TIMP2: variants seen among roughly 807,000 people sequenced by gnomAD.
The protein encoded by TIMP2 is metalloproteinase inhibitor 2.
A neutral mutation model predicts 24.3 loss-of-function variants in TIMP2; 5 were observed. The ratio of observed to expected loss-of-function variants is 0.21; its 90% CI spans 0.11 to 0.43. TIMP2 has a LOEUF of 0.43. Among genes scored for constraint, TIMP2 ranks in the 20% least tolerant of loss-of-function variants. The pLI, the probability that TIMP2 is intolerant of heterozygous loss-of-function variation, is 1.00. For missense variants in TIMP2, 221 were observed against 297.5 expected (o/e 0.74, Z 1.89); for synonymous variants, 130 against 123.2 (o/e 1.06, Z -0.37).
chr17:78,891,887 G>A lies in TIMP2; in HGVS notation c.131-17968C>T. ...ATTCATCCGACCCGTGGCTTTTGTA[G>A]TCTGTGGTTTCTCTGGACTCGCTGC... On this transcript the variant is annotated intron_variant, in intron 1 of 4. Transcript: ENST00000262768. This position sits in a 1 kb window ranked among gnomAD's most constrained non-coding sequence, Gnocchi z 4.5. The A allele has an allele frequency of 6.4e-7, 1 of 1,550,650 alleles. No homozygotes were observed. The highest frequency in any genetic ancestry group is 8.7e-7 in the Non-Finnish European group (1 of 1,147,010).
intron 4 of TIMP2, 132 bp downstream of exon 4, chr17:78,857,390 C>A: frequency 7.8e-7 from 1 of 1,281,716 alleles, no homozygotes; most frequent in Admixed American, 2.1e-5. Flanking sequence ...ATGACTCTAC[C>A]TTCCCAGAGC....
intron 3 of TIMP2, among the ~76,000 whole-genome samples, chr17:78,868,057 G>A (rs1294881393): frequency 7.2e-5 from 11 of 152,140 alleles, no homozygotes; most frequent in Admixed American, 6.5e-5. Flanking sequence ...TCTCTAACAC[G>A]GGGCTGGGCA....
intron 3 of TIMP2, among the ~76,000 whole-genome samples, chr17:78,863,618 G>C (rs1186880766): frequency 1.3e-5 from 2 of 152,156 alleles, no homozygotes; most frequent in Non-Finnish European, 2.9e-5. Flanking sequence ...CACAGGTCCA[G>C]GGAGCAATGC....
At chr17:78,893,009 G>A (rs753043045) in intron 1 of TIMP2, among the ~76,000 whole-genome samples, 26 of 152,176 alleles carry the variant, frequency 1.7e-4, no homozygotes, top group Non-Finnish European at 3.2e-4. Flanking sequence ...AGAATTGATC[G>A]TAAAGGAAAG....
chr17:78,905,228 A>G (rs116302068), intron 1 of TIMP2, among the ~76,000 whole-genome samples: 1,531 of 151,910 alleles, frequency 0.01, 20 homozygotes, highest in African/African-American at 0.035. Context: ...GGGCTCCAGG[A>G]CTTACCCCAG....
At chr17:78,879,959 G>A (rs971657874) in intron 1 of TIMP2, among the ~76,000 whole-genome samples, 65 of 152,096 alleles carry the variant, frequency 4.3e-4, no homozygotes, top group African/African-American at 1.5e-3. Context: ...CGCGGGAGAC[G>A]ATCCAAAGAG....
chr17:78,872,484 G>A (rs979156021), intron 2 of TIMP2, among the ~76,000 whole-genome samples: 6 of 152,108 alleles, frequency 3.9e-5, no homozygotes, highest in South Asian at 2.1e-4. Flanking sequence ...CAGGGAGGCT[G>A]TTTTTTTCCC....
At chr17:78,868,940 T>C (rs763236906) in intron 3 of TIMP2, among the ~76,000 whole-genome samples, 7 of 150,956 alleles carry the variant, frequency 4.6e-5, no homozygotes, top group Non-Finnish European at 1.0e-4. Flanking sequence ...ATGTAGAGGG[T>C]GGGGGCCAGG....
intron 1 of TIMP2, chr17:78,892,640 A>G (rs1389670445): frequency 1.1e-6 from 1 of 901,234 alleles, no homozygotes; most frequent in East Asian, 2.7e-5. Context: ...TGTCCTGTAC[A>G]CTTTTGACAA....
At chr17:78,883,190 C>T (rs180851077) in intron 1 of TIMP2, among the ~76,000 whole-genome samples, 5 of 152,346 alleles carry the variant, frequency 3.3e-5, no homozygotes, top group Admixed American at 2.0e-4. Context: ...CAGGAAAGAC[C>T]TCAGCAGAGG....
rs865931331 is a variant in TIMP2 at position 78,891,908 on chromosome 17, G to A, written c.131-17989C>T. 35 of 1,550,568 alleles carry A rather than the reference G, an allele frequency of 2.3e-5. No individual in the cohort carries two copies. The highest frequency in any genetic ancestry group is 1.7e-4 in the Middle Eastern group (1 of 5,992). On this transcript the variant is annotated intron_variant, in intron 1 of 4. Coordinates refer to ENST00000262768, the MANE Select transcript of TIMP2 (RefSeq NM_003255.5). The surrounding 1 kb of genome is among the most constrained non-coding windows in gnomAD (Gnocchi z 4.5). Reference sequence around the variant, plus strand: ...TGTAGTCTGTGGTTTCTCTGGACTCGCTGCTGTCTTCCGGGGCCTGGAGTG... The same window carrying A: ...TGTAGTCTGTGGTTTCTCTGGACTCACTGCTGTCTTCCGGGGCCTGGAGTG...
At chr17:78,892,278 A>G (rs145329239) in intron 1 of TIMP2, 20,127 of 1,550,744 alleles carry the variant, frequency 0.013, 166 homozygotes, top group Non-Finnish European at 0.015. Context: ...TTTTTCCTCC[A>G]AAGCAGGTCT....
rs955039934 is a variant in TIMP2, at chr17:78,925,032, C to T, written c.57G>A (p.Thr19=). The part of the protein sequence containing the change: ...RLALGLLLLA[T]LLRPADACSC... ...TGCAGGCGTCGGCCGGGCGAAGCAG[C>T]GTCGCCAGCAGCAGGAGGCCGAGCG... Residue 19 remains threonine, a synonymous_variant, in exon 1 of 5, where the codon ACG becomes ACA. Coordinates refer to ENST00000262768, the MANE Select transcript of TIMP2 (RefSeq NM_003255.5). 8.2e-7 allele frequency: 1 copy of T among 1,224,498 alleles called. No homozygotes were observed. The allele number at this position is 1,224,498 out of a possible 1,614,324, so 75.9% of individuals were successfully genotyped here.
rs61493837 is a variant in TIMP2, at chr17:78,889,580, T to G, written c.131-15661A>C. ...GATCTATCTCCTGAAATTGTGCCCG[T>G]CTGACCTTGGGTGCCCCTGAAAGGC... is the stretch of plus-strand genomic sequence containing the variant. On this transcript the variant is annotated intron_variant, in intron 1 of 4. Coordinates refer to ENST00000262768, the MANE Select transcript of TIMP2 (RefSeq NM_003255.5). Among the ~76,000 whole-genome samples, 324 of 152,374 alleles carry G rather than the reference T, an allele frequency of 2.1e-3. 6 individuals carry two copies. The East Asian group carries it at 0.053, about 25-fold the overall frequency.
In TIMP2 at chr17:78,887,995, G is replaced by A. The variant is rs538791191; in HGVS notation, c.131-14076C>T. ...TGTGATGTGGATGAATTCAGTAACC[G>A]TGCCGAGGCCAAAAAACCTAGCTTT... On this transcript the variant is annotated intron_variant, in intron 1 of 4. Transcript: ENST00000262768. 3.3e-4 allele frequency among the ~76,000 whole-genome samples: 50 copies of A among 152,192 alleles called. No individual in the cohort carries two copies. The South Asian group carries it at 3.7e-3, about 11-fold the overall frequency.
At position 78,925,154 on chromosome 17, in the gene TIMP2, G is replaced by A. The variant is rs1433323678; in HGVS notation, c.-66C>T. ...GGGTCCGGGCGCTGCTCGCGGCGGCGGGCTGGGGGCGCGGGCGGGGGCTGA... is the reference window on the plus strand; with the variant it reads ...GGGTCCGGGCGCTGCTCGCGGCGGCAGGCTGGGGGCGCGGGCGGGGGCTGA... On this transcript the variant is annotated 5_prime_UTR_variant, in exon 1 of 5. Coordinates refer to ENST00000262768, the MANE Select transcript of TIMP2 (RefSeq NM_003255.5). 12 of 687,354 alleles carry A rather than the reference G, an allele frequency of 1.7e-5. No homozygotes were observed. Among genetic ancestry groups the A allele is most frequent in the Admixed American group, 1.3e-4 (2 of 15,400 alleles). 42.6% of individuals were successfully genotyped at this position (687,354 alleles called of 1,614,324 possible).
chr17:78,923,396 T>TGGGGGGGGGGGGG (rs1255104339), intron 1 of TIMP2, among the ~76,000 whole-genome samples: 26 of 47,640 alleles, frequency 5.5e-4, no homozygotes, highest in Admixed American at 6.7e-4. Flanking sequence ...TGGGGCGGGG[T>TGGGGGGGGGGGGG]GGGGGGGGGG....
intron 3 of TIMP2, among the ~76,000 whole-genome samples, chr17:78,865,379 C>A (rs946775466): frequency 6.6e-6 from 1 of 152,004 alleles, no homozygotes; most frequent in South Asian, 2.1e-4. Flanking sequence ...AATCCCAGCA[C>A]TTTGGGAGGC....
At chr17:78,893,258 CAGGGGTGTGTGTGT>C (rs1161162932) in intron 1 of TIMP2, among the ~76,000 whole-genome samples, 2 of 109,730 alleles carry the variant, frequency 1.8e-5, no homozygotes, top group Non-Finnish European at 3.7e-5. Flanking sequence ...AGTGTGTGTG[CAGGGGTGTGTGTGT>C]AGGGGTGTGC....
Sources: allele counts gnomAD v4.1 joint callset (sites outside exome capture counted in the v4.1 genomes callset), GRCh38; gene constraint gnomAD v4.1.1; non-coding constraint Gnocchi (gnomAD v3.1); transcripts MANE v1.5; gene names NCBI Gene and HGNC (gene_info 2026-07-23, HGNC 2026-07-21).